The following MDFIC2 variants were observed in gnomAD, a reference collection of about 807,000 sequenced individuals.
The protein encoded by MDFIC2 is MyoD family inhibitor domain containing 2.
chr3:70,227,047 A>G (rs1701514742), intron 2 of MDFIC2, among the ~76,000 whole-genome samples: 1 of 152,158 alleles, frequency 6.6e-6, no homozygotes. Flanking sequence ...AAAATATACC[A>G]TATGCAGACA....
At chr3:70,258,105 T>G (rs1316006479) in intron 2 of MDFIC2, among the ~76,000 whole-genome samples, 5 of 152,170 alleles carry the variant, frequency 3.3e-5, no homozygotes, top group African/African-American at 1.2e-4. Flanking sequence ...GAATCCCAAC[T>G]TTCATTTCAC....
intron 2 of MDFIC2, among the ~76,000 whole-genome samples, chr3:70,274,263 T>A (rs905165448): frequency 2.6e-5 from 4 of 152,126 alleles, no homozygotes; most frequent in African/African-American, 9.7e-5. Flanking sequence ...ACCAGGCAAC[T>A]CAAATTTTAA....
At chr3:70,279,763 C>T (rs1702063328) in intron 2 of MDFIC2, among the ~76,000 whole-genome samples, 1 of 152,066 alleles carries the variant, frequency 6.6e-6, no homozygotes, top group African/African-American at 2.4e-5. Context: ...AAATGCCATC[C>T]CTCTTTTCCT....
chr3:70,312,593 C>G lies in MDFIC2; in HGVS notation c.-43G>C, dbSNP rs1019636777. On this transcript the variant is annotated 5_prime_UTR_variant, in exon 1 of 4. Transcript: ENST00000567252. ...AGGCCCAAGGTGTGGGACTGGGGAG[C>G]AGTGAGCTGCAGCCTCCCTTGTCTC... is the stretch of plus-strand genomic sequence containing the variant. 1 of 152,218 alleles carries G rather than the reference C, an allele frequency of 6.6e-6. No individual in the cohort carries two copies. Among genetic ancestry groups the G allele is most frequent in the African/African-American group, 2.4e-5 (1 of 41,450 alleles). The allele number at this position is 152,218 out of a possible 1,614,324, so 9.4% of individuals were successfully genotyped here. A position where few individuals can be genotyped will look rare whatever the true frequency, so the allele number is the denominator to read the frequency against.
chr3:70,237,843 A>G (rs1245890800), intron 2 of MDFIC2, among the ~76,000 whole-genome samples: 1 of 152,178 alleles, frequency 6.6e-6, no homozygotes, highest in African/African-American at 2.4e-5. Flanking sequence ...TAAATATTGC[A>G]CTGAAAGTGC....
In MDFIC2 at chr3:70,250,409, T is replaced by TCACACACACA. The variant is rs1491108341; in HGVS notation, c.89-43620_89-43619insTGTGTGTGTG. On this transcript the variant is annotated intron_variant, in intron 2 of 3. Coordinates refer to ENST00000567252, the MANE Select transcript of MDFIC2 (RefSeq NM_001364677.1). The stretch of plus-strand genomic sequence containing the variant: ...TATTCGGTATTTTTCTTTTAATGAA[T>TCACACACACA]CTCACACACACACACACACACACAC... 7.1e-3 allele frequency among the ~76,000 whole-genome samples: 893 copies of TCACACACACA among 126,322 alleles called. 11 individuals carry two copies. Among genetic ancestry groups the TCACACACACA allele is most frequent in the Non-Finnish European group, 0.01 (606 of 57,866 alleles). 82.9% of individuals were successfully genotyped at this position (126,322 alleles called of 152,430 possible). A position where few individuals can be genotyped will look rare whatever the true frequency, so the allele number is the denominator to read the frequency against.
intron 2 of MDFIC2, among the ~76,000 whole-genome samples, chr3:70,310,077 A>G (rs928573797): frequency 3.9e-5 from 6 of 152,210 alleles, no homozygotes; most frequent in African/African-American, 7.2e-5. Context: ...GAGATTCATA[A>G]GAAAAACACA....
At chr3:70,218,068 C>T (rs944878173) in intron 2 of MDFIC2, among the ~76,000 whole-genome samples, 2 of 152,046 alleles carry the variant, frequency 1.3e-5, no homozygotes, top group Admixed American at 6.6e-5. Flanking sequence ...CTCTGTGTGC[C>T]CAATGAACTA....
intron 3 of MDFIC2, 127 bp from the exon 4 acceptor site, chr3:70,197,312 T>C (rs1030479297): frequency 5.0e-6 from 2 of 397,036 alleles, no homozygotes; most frequent in Non-Finnish European, 8.9e-6. Flanking sequence ...TTAGGGGTAA[T>C]GTACACCCTT....
chr3:70,196,862 CTTG>C lies in MDFIC2; in HGVS notation c.*61_*63del, dbSNP rs1701186597. Reference sequence around the variant, plus strand: ...TACATTTCAGCACATGGAAATCAGTCTTGTTGTAATGGAATTTCCCACCGTGGC... The same window carrying C: ...TACATTTCAGCACATGGAAATCAGTCTTGTAATGGAATTTCCCACCGTGGC... On this transcript the variant is annotated 3_prime_UTR_variant, in exon 4 of 4. Coordinates refer to ENST00000567252, the MANE Select transcript of MDFIC2 (RefSeq NM_001364677.1). 5.0e-6 allele frequency: 2 copies of C among 398,098 alleles called. No individual in the cohort carries two copies. The highest frequency in any genetic ancestry group is 8.9e-6 in the Non-Finnish European group (2 of 225,926). 24.7% of individuals were successfully genotyped at this position (398,098 alleles called of 1,614,324 possible). A position where few individuals can be genotyped will look rare whatever the true frequency, so the allele number is the denominator to read the frequency against.
In MDFIC2 at chr3:70,311,920, T is replaced by C; in HGVS notation, c.54A>G (p.Glu18=). Residue 18 remains glutamate, a synonymous_variant, in exon 2 of 4, where the codon GAA becomes GAG. Coordinates refer to ENST00000567252, the MANE Select transcript of MDFIC2 (RefSeq NM_001364677.1). The stretch of plus-strand genomic sequence containing the variant: ...ACCAAGAAATGTTATTTTTATCATT[T>C]TCTAAATGCTCAGCTGTTCTTACTT... The part of the protein sequence containing the change: ...KIKVRTAEHL[E]NDKNNISWLK... The C allele has an allele frequency of 2.5e-6, 1 of 397,916 alleles. No individual in the cohort carries two copies. The highest frequency in any genetic ancestry group is 4.4e-6 in the Non-Finnish European group (1 of 225,660). 24.6% of individuals were successfully genotyped at this position (397,916 alleles called of 1,614,324 possible).
intron 2 of MDFIC2, among the ~76,000 whole-genome samples, chr3:70,293,618 G>T (rs964544630): frequency 1.3e-5 from 2 of 152,090 alleles, no homozygotes; most frequent in Non-Finnish European, 2.9e-5. Context: ...TGTTAGCTTG[G>T]TTTTTGCCAC....
intron 2 of MDFIC2, among the ~76,000 whole-genome samples, chr3:70,268,458 G>C (rs779891453): frequency 1.5e-4 from 19 of 130,250 alleles, no homozygotes; most frequent in Non-Finnish European, 2.2e-4. Flanking sequence ...CTGGGCAACA[G>C]AGCGAGACTC....
chr3:70,300,932 G>C lies in MDFIC2; in HGVS notation c.88+10954C>G, dbSNP rs113523962. Among the ~76,000 whole-genome samples the C allele has an allele frequency of 2.0e-3, 300 of 152,046 alleles. 1 individual carries two copies. Among genetic ancestry groups the C allele is most frequent in the African/African-American group, 6.9e-3 (287 of 41,520 alleles). ...TTTTTAAAAAAAAGTCAAGAAAGCC[G>C]TTAGTGCAATTTTCTCCTCTTCTTT... On this transcript the variant is annotated intron_variant, in intron 2 of 3. Transcript: ENST00000567252.
intron 2 of MDFIC2, among the ~76,000 whole-genome samples, chr3:70,209,555 A>G (rs1027046117): frequency 6.6e-6 from 1 of 152,132 alleles, no homozygotes; most frequent in East Asian, 1.9e-4. Context: ...AATGAAGGTA[A>G]CCAAGGCTTA....
intron 2 of MDFIC2, among the ~76,000 whole-genome samples, chr3:70,243,874 A>G (rs569222679): frequency 7.2e-4 from 109 of 152,310 alleles, no homozygotes; most frequent in Non-Finnish European, 1.3e-3. Context: ...TGTATCACAC[A>G]TCCCTGGAGA....
At position 70,252,148 on chromosome 3, in the gene MDFIC2, A is replaced by C. The variant is rs549261847; in HGVS notation, c.89-45358T>G. Among the ~76,000 whole-genome samples, 3 of 152,340 alleles carry C rather than the reference A, an allele frequency of 2.0e-5. No homozygotes were observed. In the East Asian group the frequency reaches 5.8e-4, roughly 29 times the overall value. ...AGATCTGAAAAGTTTTAATAAAGTT[A>C]TGAGTCATGTGTAATTGACCAATGT... is the stretch of plus-strand genomic sequence containing the variant. On this transcript the variant is annotated intron_variant, in intron 2 of 3. Coordinates refer to ENST00000567252, the MANE Select transcript of MDFIC2 (RefSeq NM_001364677.1).
At chr3:70,227,893 A>G (rs549701599) in intron 2 of MDFIC2, among the ~76,000 whole-genome samples, 1 of 152,174 alleles carries the variant, frequency 6.6e-6, no homozygotes, top group Non-Finnish European at 1.5e-5. Context: ...TCCAGAAAAG[A>G]GCATGAGCTT....
At chr3:70,238,195 C>T (rs914699558) in intron 2 of MDFIC2, among the ~76,000 whole-genome samples, 1 of 151,706 alleles carries the variant, frequency 6.6e-6, no homozygotes, top group African/African-American at 2.4e-5. Context: ...AGCACCAATC[C>T]AGGCGTTCCC....
Sources: allele counts gnomAD v4.1 joint callset (sites outside exome capture counted in the v4.1 genomes callset), GRCh38; gene constraint gnomAD v4.1.1; transcripts MANE v1.5; gene names NCBI Gene and HGNC (gene_info 2026-07-23, HGNC 2026-07-21).